ACIN1: variants seen among roughly 807,000 people sequenced by gnomAD.
ACIN1 encodes apoptotic chromatin condensation inducer 1.
A neutral mutation model predicts 146.6 loss-of-function variants in ACIN1; 16 were observed. That is an observed-to-expected ratio of 0.11 (90% confidence interval 0.07 to 0.17). The LOEUF (loss-of-function observed/expected upper bound fraction) is 0.17, where lower values mean the gene tolerates loss of function less well. Among genes scored for constraint, ACIN1 ranks in the 10% least tolerant of loss-of-function variants. ACIN1 has a pLI of 1.00. For synonymous variants in ACIN1, 569 were observed against 582.7 expected (o/e 0.98, Z 0.34); for missense variants, 1,357 against 1,609.3 (o/e 0.84, Z 2.68).
At chr14:23,082,437 ATTT>A (rs11378976) in intron 4 of ACIN1, among the ~76,000 whole-genome samples, 4 of 95,820 alleles carry the variant, frequency 4.2e-5, no homozygotes, top group African/African-American at 1.2e-4. Flanking sequence ...AGAGCTCAAT[ATTT>A]TTTTTTTTTT....
chr14:23,094,355 C>T (rs2048310472), intron 1 of ACIN1: 2 of 459,082 alleles, frequency 4.4e-6, no homozygotes, highest in African/African-American at 2.1e-5. Context: ...TCAAAATCCC[C>T]AATATATATC....
intron 14 of ACIN1, 110 bp from the exon 15 acceptor site, chr14:23,062,633 G>C (rs1566732682): frequency 6.5e-6 from 7 of 1,075,938 alleles, no homozygotes; most frequent in Non-Finnish European, 9.9e-6. Context: ...TTTGGGGGAG[G>C]GCAGAGAGTT....
chr14:23,072,267 T>C (rs933006345), intron 8 of ACIN1, among the ~76,000 whole-genome samples: 1 of 152,066 alleles, frequency 6.6e-6, no homozygotes, highest in East Asian at 1.9e-4. Flanking sequence ...ACAGACAACT[T>C]TGTTTTATAG....
chr14:23,062,795 A>G lies in ACIN1; in HGVS notation c.2883+134T>C, dbSNP rs1213963582. 4 of 1,089,578 alleles carry G rather than the reference A, an allele frequency of 3.7e-6. No homozygotes were observed. The East Asian group carries it at 7.4e-5, about 20-fold the overall frequency. 67.5% of individuals were successfully genotyped at this position (1,089,578 alleles called of 1,614,324 possible). On this transcript the variant is annotated intron_variant, in intron 14 of 18. Coordinates refer to ENST00000605057, the MANE Select transcript of ACIN1 (RefSeq NM_001386863.1). Reference sequence around the variant, plus strand: ...TTTTAGATGGGTAAATATGTTAAGTAACTCACTCAAGATCAGTGAGTAACT... The same window carrying G: ...TTTTAGATGGGTAAATATGTTAAGTGACTCACTCAAGATCAGTGAGTAACT...
chr14:23,089,453 T>C (rs530452134), intron 4 of ACIN1, among the ~76,000 whole-genome samples: 2 of 152,226 alleles, frequency 1.3e-5, no homozygotes, highest in Admixed American at 1.3e-4. Context: ...TATGCTCACA[T>C]AATACTCTGC....
upstream of ACIN1, chr14:23,095,232 C>A: frequency 6.2e-7 from 1 of 1,612,002 alleles, no homozygotes; most frequent in Non-Finnish European, 8.5e-7. Context: ...CCTCGATTAC[C>A]ACTCAGAACT....
chr14:23,070,467 C>T (rs895671374), intron 8 of ACIN1, among the ~76,000 whole-genome samples: 12 of 152,090 alleles, frequency 7.9e-5, no homozygotes, highest in Non-Finnish European at 1.8e-4. Flanking sequence ...ACACCCTCCC[C>T]CACACAGGCA....
intron 2 of ACIN1, among the ~76,000 whole-genome samples, chr14:23,093,083 C>T (rs989776812): frequency 2.0e-5 from 3 of 152,092 alleles, no homozygotes; most frequent in African/African-American, 7.2e-5. Flanking sequence ...TCTACATCAA[C>T]AAGAGTTCTT....
At chr14:23,070,976 A>G in intron 8 of ACIN1, 1 of 871,632 alleles carries the variant, frequency 1.1e-6, no homozygotes, top group South Asian at 1.7e-5. Flanking sequence ...GGCCAATTAG[A>G]AACTGGGCAG....
At position 23,090,504 on chromosome 14, in the gene ACIN1, G is replaced by C; in HGVS notation, c.316+18C>G. On this transcript the variant is annotated intron_variant, in intron 3 of 18. Coordinates refer to ENST00000605057, the MANE Select transcript of ACIN1 (RefSeq NM_001386863.1). ...AAGAATGACGAACTCCTTGTTAAAA[G>C]TGACAATCTGGGCTTACCTTCAAGT... is the stretch of plus-strand genomic sequence containing the variant. 6.2e-7 allele frequency: 1 copy of C among 1,609,430 alleles called. No individual in the cohort carries two copies. Among genetic ancestry groups the C allele is most frequent in the Non-Finnish European group, 8.5e-7 (1 of 1,175,946 alleles).
rs2047386153 is a variant in ACIN1, at chr14:23,064,446, C to G, written c.2351G>C (p.Gly784Ala). Residue 784 changes from glycine (G) to alanine (A), a missense_variant, in exon 11 of 19, where the codon GGG (glycine) becomes GCG (alanine). Around this residue, in one of 4 missense-constraint regions of ACIN1, gnomAD observed 509 missense variants for 719.6 expected, o/e 0.71. Transcript: ENST00000605057. ...GCGTCGTTTCCGACCAGGCTGGCCC[C>G]CCTCTGTGTCACTGTTTCCAGCTGG... Reference protein sequence around the residue: ...GVPAGNSDTEGGQPGRKRRWG... With the variant: ...GVPAGNSDTEAGQPGRKRRWG... 1 of 1,614,258 alleles carries G rather than the reference C, an allele frequency of 6.2e-7. No individual in the cohort carries two copies.
Position 23,064,132 on chromosome 14 carries a change from C to A in ACIN1, c.2568G>T (p.Gly856=), listed in dbSNP as rs2047378653. 6.2e-7 allele frequency: 1 copy of A among 1,614,174 alleles called. No individual in the cohort carries two copies. Among genetic ancestry groups the A allele is most frequent in the Non-Finnish European group, 8.5e-7 (1 of 1,180,048 alleles). Residue 856 remains glycine (G), a synonymous_variant, in exon 12 of 19, where the codon GGG becomes GGT. Coordinates refer to ENST00000605057, the MANE Select transcript of ACIN1 (RefSeq NM_001386863.1). ...RNGDDGTHDK[G]LKICRTVTQV... Reference sequence around the variant, plus strand: ...GAGTGACTGTCCGGCATATTTTCAGCCCCTTGTCATGGGTCCCATCATCGC... The same window carrying A: ...GAGTGACTGTCCGGCATATTTTCAGACCCTTGTCATGGGTCCCATCATCGC...
chr14:23,074,354 C>T (rs916147125), intron 8 of ACIN1, among the ~76,000 whole-genome samples: 1 of 151,646 alleles, frequency 6.6e-6, no homozygotes, highest in African/African-American at 2.4e-5. Flanking sequence ...CTGCCTGAGG[C>T]CAGGAGTTTG....
chr14:23,069,307 C>G, intron 9 of ACIN1, 169 bp downstream of exon 9: 1 of 1,319,254 alleles, frequency 7.6e-7, no homozygotes. Flanking sequence ...CACAAGGGGT[C>G]TCCCTTGCTA....
At chr14:23,094,125 A>AACACACACACACAC (rs751362808) in intron 1 of ACIN1, among the ~76,000 whole-genome samples, 1 of 151,634 alleles carries the variant, frequency 6.6e-6, no homozygotes, top group Non-Finnish European at 1.5e-5. Flanking sequence ...CACACACACA[A>AACACACACACACAC]ACACACACAC....
intron 4 of ACIN1, among the ~76,000 whole-genome samples, chr14:23,089,287 C>G (rs2048166046): frequency 6.6e-6 from 1 of 152,148 alleles, no homozygotes; most frequent in African/African-American, 2.4e-5. Context: ...CTCCTGACCT[C>G]AGGTGATCCT....
At chr14:23,082,539 G>T (rs1426927085) in intron 4 of ACIN1, among the ~76,000 whole-genome samples, 4 of 149,018 alleles carry the variant, frequency 2.7e-5, no homozygotes, top group Non-Finnish European at 5.9e-5. Flanking sequence ...CTGCCCCCTG[G>T]CTTCAAACCA....
Position 23,079,725 on chromosome 14 carries a change from G to A in ACIN1, c.1610C>T (p.Ser537Phe). ...SSSSSRSRSR[S>F]PDSSGSRSHS... Reference sequence around the variant, plus strand: ...AGACCGAGAACCTGAACTGTCAGGAGAGCGAGATCTTGATCTAGAACTGGA... The same window carrying A: ...AGACCGAGAACCTGAACTGTCAGGAAAGCGAGATCTTGATCTAGAACTGGA... The change falls in exon 6 of 19, where the codon TCT (serine) becomes TTT (phenylalanine). Residue 537 changes from serine to phenylalanine, a missense_variant. Ser to Phe is a radical substitution (Grantham distance 155). This residue lies in a region of ACIN1 where 771 missense variants were observed against 746.6 expected (regional missense o/e 1.03). Transcript: ENST00000605057. 1 of 1,614,194 alleles carries A rather than the reference G, an allele frequency of 6.2e-7. No individual in the cohort carries two copies. The highest frequency in any genetic ancestry group is 8.5e-7 in the Non-Finnish European group (1 of 1,180,030).
chr14:23,069,641 TGGGG>T, intron 8 of ACIN1, 24 bp from the exon 9 acceptor site: 51 of 308,690 alleles, frequency 1.7e-4, no homozygotes, highest in Non-Finnish European at 2.7e-4. Context: ...GGAGTGGTGG[TGGGG>T]GGGCGGGCAG....
Sources: allele counts gnomAD v4.1 joint callset (sites outside exome capture counted in the v4.1 genomes callset), GRCh38; gene constraint gnomAD v4.1.1; regional missense constraint gnomAD v4.1.1; transcripts MANE v1.5; gene names NCBI Gene and HGNC (gene_info 2026-07-23, HGNC 2026-07-21).